The following HIGD1C variants were observed in gnomAD, a reference collection of about 807,000 sequenced individuals.
HIGD1C encodes HIG1 domain family member 1C.
A neutral mutation model predicts 13.1 loss-of-function variants in HIGD1C; 11 were observed. That is an observed-to-expected ratio of 0.84 (90% CI 0.53 to 1.39). The LOEUF is 1.39. Ranked by LOEUF, HIGD1C falls within the 40% of genes most tolerant of loss-of-function variation. HIGD1C has a pLI of 0.00. For missense variants in HIGD1C, 110 were observed against 112.0 expected (o/e 0.98, Z 0.08); for synonymous variants, 36 against 37.7 (o/e 0.95, Z 0.17).
At chr12:50,967,246 A>G (rs993715875) in intron 2 of HIGD1C, among the ~76,000 whole-genome samples, 2 of 152,034 alleles carry the variant, frequency 1.3e-5, no homozygotes, top group South Asian at 4.1e-4. Flanking sequence ...TGGGCTTAAG[A>G]GATCCTCCTG....
chr12:50,933,273 A>G, the HIGD1C span, among the ~76,000 whole-genome samples: 1 of 152,206 alleles, frequency 6.6e-6, no homozygotes, highest in African/African-American at 2.4e-5. Context: ...GAATCCAGAG[A>G]ACACATATTT....
At chr12:50,967,134 G>A (rs1050442026) in intron 2 of HIGD1C, among the ~76,000 whole-genome samples, 2 of 151,286 alleles carry the variant, frequency 1.3e-5, no homozygotes, top group Non-Finnish European at 2.9e-5. Flanking sequence ...AAAAGAAAGA[G>A]AAATAGGGTC....
chr12:50,935,807 A>G, the HIGD1C span, among the ~76,000 whole-genome samples: 84 of 152,240 alleles, frequency 5.5e-4, no homozygotes, highest in African/African-American at 1.9e-3. Flanking sequence ...TAACATTCTT[A>G]AAAGTAAAAA....
the HIGD1C span, among the ~76,000 whole-genome samples, chr12:50,941,870 T>A: frequency 6.6e-6 from 1 of 152,112 alleles, no homozygotes; most frequent in African/African-American, 2.4e-5. Flanking sequence ...ATTATCACTC[T>A]CCTATTCATG....
At chr12:50,971,099 C>T (rs555188074), downstream of HIGD1C, among the ~76,000 whole-genome samples, 12 of 152,200 alleles carry the variant, frequency 7.9e-5, no homozygotes, top group Middle Eastern at 3.4e-3. Flanking sequence ...AGGCTGGTCT[C>T]GAACTCCTGA....
chr12:50,969,937 C>G (rs1486639430), intron 2 of HIGD1C, among the ~76,000 whole-genome samples: 1 of 152,012 alleles, frequency 6.6e-6, no homozygotes, highest in East Asian at 1.9e-4. Flanking sequence ...TCTTCCTTAC[C>G]CTATTCCTTC....
the HIGD1C span, among the ~76,000 whole-genome samples, chr12:50,938,851 A>G: frequency 1.3e-5 from 2 of 152,192 alleles, no homozygotes; most frequent in African/African-American, 4.8e-5. Flanking sequence ...AGTAGGGAAG[A>G]CACTAAGTCT....
At position 50,959,018 on chromosome 12, in the gene HIGD1C, A is replaced by G. The variant is rs558352816; in HGVS notation, c.95-1950A>G. On this transcript the variant is annotated intron_variant, in intron 1 of 2. Coordinates refer to ENST00000398455, the Ensembl canonical transcript of HIGD1C. ...GGTGACAGAGCAAGACTCTGTCTCAAAAGAAAAACAAACAAAAAAAAGATG... is the reference window on the plus strand; with the variant it reads ...GGTGACAGAGCAAGACTCTGTCTCAGAAGAAAAACAAACAAAAAAAAGATG... Among the ~76,000 whole-genome samples, 5 of 152,250 alleles carry G rather than the reference A, an allele frequency of 3.3e-5. No individual in the cohort carries two copies. The East Asian group carries it at 7.8e-4, about 24-fold the overall frequency.
At chr12:50,949,812 C>T (rs987508371), upstream of HIGD1C, among the ~76,000 whole-genome samples, 10 of 152,004 alleles carry the variant, frequency 6.6e-5, no homozygotes, top group Non-Finnish European at 1.5e-4. Flanking sequence ...GGGATTAAGG[C>T]GTGAGCAGTG....
chr12:50,957,741 C>T (rs1249293441), intron 1 of HIGD1C, among the ~76,000 whole-genome samples: 1 of 151,642 alleles, frequency 6.6e-6, no homozygotes, highest in Non-Finnish European at 1.5e-5. Context: ...AAAAATTAGC[C>T]AGGTGTGGTG....
At chr12:50,941,887 T>C in the HIGD1C span, among the ~76,000 whole-genome samples, 1 of 152,132 alleles carries the variant, frequency 6.6e-6, no homozygotes, top group African/African-American at 2.4e-5. Flanking sequence ...CATGCTCCCT[T>C]GTTCCTTTTT....
At chr12:50,960,305 G>C (rs1939277060) in intron 1 of HIGD1C, among the ~76,000 whole-genome samples, 1 of 152,198 alleles carries the variant, frequency 6.6e-6, no homozygotes. Flanking sequence ...AGGAAGAGAA[G>C]AGTAAAGCCA....
intron 2 of HIGD1C, among the ~76,000 whole-genome samples, chr12:50,968,510 C>CCTA (rs1939633806): frequency 6.6e-6 from 1 of 152,098 alleles, no homozygotes; most frequent in African/African-American, 2.4e-5. Flanking sequence ...CCTCAGCTTC[C>CCTA]CTAGCAGCTG....
chr12:50,952,719 A>G (rs1173422448), upstream of HIGD1C, among the ~76,000 whole-genome samples: 1 of 152,182 alleles, frequency 6.6e-6, no homozygotes, highest in Non-Finnish European at 1.5e-5. Flanking sequence ...CCGCCAGGTG[A>G]GCCCGGCGGG....
intron 1 of HIGD1C, among the ~76,000 whole-genome samples, chr12:50,954,652 G>A (rs1253338182): frequency 6.6e-6 from 1 of 152,010 alleles, no homozygotes; most frequent in Non-Finnish European, 1.5e-5. Context: ...CTTGAGCTCA[G>A]GAGGTGCAGG....
the HIGD1C span, chr12:50,932,647 AG>A: frequency 6.6e-6 from 1 of 152,224 alleles, no homozygotes; most frequent in Non-Finnish European, 1.5e-5. Flanking sequence ...CACAGCCAAT[AG>A]ATTTTACACA....
chr12:50,958,524 G>A (rs1243405109), intron 1 of HIGD1C, among the ~76,000 whole-genome samples: 3 of 151,208 alleles, frequency 2.0e-5, no homozygotes, highest in South Asian at 2.1e-4. Flanking sequence ...CTCGTGATCC[G>A]CCCGCCTCGG....
chr12:50,969,321 A>G (rs1592273031), intron 2 of HIGD1C, among the ~76,000 whole-genome samples: 2 of 152,020 alleles, frequency 1.3e-5, no homozygotes, highest in African/African-American at 4.8e-5. Context: ...AAATAAATAA[A>G]TCCAGATTTT....
chr12:50,942,863 T>TTC, the HIGD1C span, among the ~76,000 whole-genome samples: 125 of 125,374 alleles, frequency 1.0e-3, 1 homozygote, highest in African/African-American at 3.4e-3. Flanking sequence ...GCAGTTTCTC[T>TTC]TCTCTTTTTT....
Sources: gnomAD v4.1 joint callset for allele counts (sites outside exome capture counted in the v4.1 genomes callset) on GRCh38, gnomAD v4.1.1 for gene constraint, MANE v1.5 for transcripts, NCBI Gene and HGNC (gene_info 2026-07-23, HGNC 2026-07-21) for gene names.